The following SLC5A12 variants were observed in gnomAD, a reference collection of about 807,000 sequenced individuals.
SLC5A12 encodes sodium-coupled monocarboxylate transporter 2.
Under a neutral mutation model 72.7 loss-of-function variants are expected in SLC5A12, and 46 were observed. That is an observed-to-expected ratio of 0.63 (90% CI 0.50 to 0.81). The LOEUF (loss-of-function observed/expected upper bound fraction) is 0.81, where lower values mean the gene tolerates loss of function less well. Among genes scored for constraint, SLC5A12 ranks in the 30% least tolerant of loss-of-function variants. SLC5A12 has a pLI of 0.00. For synonymous variants in SLC5A12, 275 were observed against 264.4 expected (o/e 1.04, Z -0.39); for missense variants, 683 against 740.7 (o/e 0.92, Z 0.90).
chr11:26,717,313 G>C (rs1855373024), intron 1 of SLC5A12, among the ~76,000 whole-genome samples: 1 of 152,012 alleles, frequency 6.6e-6, no homozygotes, highest in Admixed American at 6.6e-5. Flanking sequence ...AGAAGTCCAA[G>C]AAATATGAGA....
At chr11:26,720,638 A>G (rs1036711258) in intron 1 of SLC5A12, among the ~76,000 whole-genome samples, 1 of 152,094 alleles carries the variant, frequency 6.6e-6, no homozygotes, top group African/African-American at 2.4e-5. Flanking sequence ...GAAAATAAAT[A>G]CCTTATTAAT....
Position 26,721,729 on chromosome 11 carries a change from C to T in SLC5A12, c.-15G>A, listed in dbSNP as rs768338813. The T allele has an allele frequency of 5.0e-6, 8 of 1,599,638 alleles. No individual in the cohort carries two copies. In the South Asian group the frequency reaches 6.7e-5, roughly 13 times the overall value. Reference sequence around the variant, plus strand: ...TTCACCTCCATATTGGAAAGTATGACACCAGAGAGTTTCTTTCAACGAGGT... The same window carrying T: ...TTCACCTCCATATTGGAAAGTATGATACCAGAGAGTTTCTTTCAACGAGGT... On this transcript the variant is annotated 5_prime_UTR_variant, in exon 1 of 15. Transcript: ENST00000396005.
At chr11:26,679,444 T>C (rs998619792) in intron 12 of SLC5A12, among the ~76,000 whole-genome samples, 15 of 152,098 alleles carry the variant, frequency 9.9e-5, no homozygotes, top group African/African-American at 2.9e-4. Flanking sequence ...ATGAATAGGT[T>C]GAAATTCTTC....
rs564654553 is a variant in SLC5A12, at chr11:26,680,791, C to A, written c.1475+264G>T. Among the ~76,000 whole-genome samples, 11 of 152,174 alleles carry A rather than the reference C, an allele frequency of 7.2e-5. No individual in the cohort carries two copies. The South Asian group carries it at 2.3e-3, about 32-fold the overall frequency. On this transcript the variant is annotated intron_variant, in intron 12 of 14. Coordinates refer to ENST00000396005, the MANE Select transcript of SLC5A12 (RefSeq NM_178498.4). ...TCATACCCAGTCACCTGTCTTTGAACCCTCCACTATTTTTTCTCTTTTGTA... is the reference window on the plus strand; with the variant it reads ...TCATACCCAGTCACCTGTCTTTGAAACCTCCACTATTTTTTCTCTTTTGTA...
intron 9 of SLC5A12, among the ~76,000 whole-genome samples, chr11:26,689,689 T>C (rs1054526648): frequency 2.0e-5 from 3 of 152,168 alleles, no homozygotes; most frequent in Non-Finnish European, 4.4e-5. Flanking sequence ...TTAAAAAAAC[T>C]TGAAACAAAT....
intron 7 of SLC5A12, among the ~76,000 whole-genome samples, chr11:26,697,996 C>T (rs1854865060): frequency 7.1e-6 from 1 of 141,620 alleles, no homozygotes; most frequent in South Asian, 2.4e-4. Context: ...CTCCTAGGTT[C>T]AAGCAATTCT....
chr11:26,684,033 T>C (rs1854470887), intron 10 of SLC5A12, among the ~76,000 whole-genome samples, 190 bp from the exon 11 acceptor site: 1 of 151,346 alleles, frequency 6.6e-6, no homozygotes, highest in Admixed American at 6.6e-5. Flanking sequence ...TATGTATGTG[T>C]GTGTGTGTGT....
chr11:26,683,640 TG>T, intron 11 of SLC5A12, 116 bp downstream of exon 11: 1 of 738,950 alleles, frequency 1.4e-6, no homozygotes, highest in Admixed American at 2.5e-5. Context: ...TTAATTCTGC[TG>T]TGGATTCTTT....
chr11:26,671,283 G>A (rs1490360471), intron 14 of SLC5A12, 32 bp from the exon 15 acceptor site: 3 of 1,551,142 alleles, frequency 1.9e-6, no homozygotes, highest in Non-Finnish European at 2.6e-6. Flanking sequence ...ATATTAGCAA[G>A]ATATCCTTGA....
intron 8 of SLC5A12, among the ~76,000 whole-genome samples, chr11:26,695,052 G>T (rs1854776479): frequency 6.6e-6 from 1 of 151,764 alleles, no homozygotes; most frequent in Non-Finnish European, 1.5e-5. Flanking sequence ...AATATCTGTA[G>T]ATATTTGATT....
chr11:26,676,348 T>C (rs1854264633), intron 13 of SLC5A12, among the ~76,000 whole-genome samples: 1 of 148,210 alleles, frequency 6.7e-6, no homozygotes, highest in Non-Finnish European at 1.5e-5. Flanking sequence ...GCAAGCTCTG[T>C]TTCTAGAAAA....
chr11:26,677,756 A>G (rs1854298195), intron 13 of SLC5A12, among the ~76,000 whole-genome samples: 3 of 152,194 alleles, frequency 2.0e-5, no homozygotes, highest in Admixed American at 1.3e-4. Flanking sequence ...TGGAGCTTCA[A>G]TATAACATCT....
At chr11:26,692,399 A>C in intron 9 of SLC5A12, 90 bp downstream of exon 9, 1 of 841,476 alleles carries the variant, frequency 1.2e-6, no homozygotes, top group East Asian at 2.5e-5. Context: ...TGTGTTTATA[A>C]GTGTGTCCTG....
chr11:26,718,046 A>C (rs1009301157), intron 1 of SLC5A12, among the ~76,000 whole-genome samples: 1 of 152,202 alleles, frequency 6.6e-6, no homozygotes, highest in Non-Finnish European at 1.5e-5. Flanking sequence ...CAAAGTTCAC[A>C]GGGTGGATAA....
chr11:26,679,101 G>A (rs1296583695), intron 12 of SLC5A12, among the ~76,000 whole-genome samples: 1 of 151,902 alleles, frequency 6.6e-6, no homozygotes, highest in African/African-American at 2.4e-5. Context: ...TTATTCTTCA[G>A]ACTTTTATTA....
At position 26,670,230 on chromosome 11, in the gene SLC5A12, G is replaced by A. The variant is rs1275533963; in HGVS notation, c.*872C>T. The A allele has an allele frequency of 6.6e-6, 1 of 152,056 alleles. No individual in the cohort carries two copies. Among genetic ancestry groups the A allele is most frequent in the Admixed American group, 6.6e-5 (1 of 15,210 alleles). 9.4% of individuals were successfully genotyped at this position (152,056 alleles called of 1,614,324 possible). On this transcript the variant is annotated 3_prime_UTR_variant, in exon 15 of 15. Coordinates refer to ENST00000396005, the MANE Select transcript of SLC5A12 (RefSeq NM_178498.4). The stretch of plus-strand genomic sequence containing the variant: ...CCTATTGCTGATGAAATCTCCTATG[G>A]TCTGTTACAATATTTGCAACGTTCT...
At chr11:26,717,319 T>C (rs1013075543) in intron 1 of SLC5A12, among the ~76,000 whole-genome samples, 6 of 151,950 alleles carry the variant, frequency 3.9e-5, no homozygotes, top group African/African-American at 1.5e-4. Flanking sequence ...CCAAGAAATA[T>C]GAGAGAACAG....
intron 12 of SLC5A12, among the ~76,000 whole-genome samples, chr11:26,680,394 C>CAT (rs34989102): frequency 0.45 from 33,884 of 75,776 alleles, 12,746 homozygotes; most frequent in Middle Eastern, 0.68. Flanking sequence ...TATATATATT[C>CAT]ATATATATAT....
chr11:26,696,236 G>C (rs1041735366), intron 8 of SLC5A12, among the ~76,000 whole-genome samples: 4 of 152,136 alleles, frequency 2.6e-5, no homozygotes, highest in Admixed American at 2.0e-4. Flanking sequence ...TATCAGTCTT[G>C]TTCTCTGCAG....
Sources: gnomAD v4.1 joint callset for allele counts (sites outside exome capture counted in the v4.1 genomes callset) on GRCh38, gnomAD v4.1.1 for gene constraint, MANE v1.5 for transcripts, NCBI Gene and HGNC (gene_info 2026-07-23, HGNC 2026-07-21) for gene names.